CREBBP: variants seen among roughly 807,000 people sequenced by gnomAD.
CREBBP encodes the protein CREB binding lysine acetyltransferase.
A neutral mutation model predicts 265.0 loss-of-function variants in CREBBP; 19 were observed. The observed-to-expected ratio is 0.07, with a 90% confidence interval of 0.05 to 0.11. The LOEUF is 0.11. CREBBP is among the 10% of genes least tolerant of loss of function. The pLI is 1.00. For missense variants in CREBBP, 2,525 were observed against 3,219.0 expected (o/e 0.78, Z 5.22); for synonymous variants, 1,457 against 1,223.7 (o/e 1.19, Z -3.98).
At chr16:3,746,021 TC>T (rs1456472346) in intron 21 of CREBBP, among the ~76,000 whole-genome samples, 1 of 152,172 alleles carries the variant, frequency 6.6e-6, no homozygotes, top group African/African-American at 2.4e-5. Flanking sequence ...CCACCAGGGC[TC>T]CGTCACCTCC....
chr16:3,772,617 T>C (rs532542157), intron 13 of CREBBP, among the ~76,000 whole-genome samples: 2 of 152,282 alleles, frequency 1.3e-5, no homozygotes, highest in East Asian at 3.9e-4. Context: ...CAAGATTGAA[T>C]GGCCTGCAAA....
chr16:3,758,936 G>C lies in CREBBP; in HGVS notation c.3287C>G (p.Pro1096Arg). 1 of 1,613,084 alleles carries C rather than the reference G, an allele frequency of 6.2e-7. No homozygotes were observed. The highest frequency in any genetic ancestry group is 8.5e-7 in the Non-Finnish European group (1 of 1,179,994). Reference protein sequence around the residue: ...KPEELRQALMPTLEALYRQDP... With the variant: ...KPEELRQALMRTLEALYRQDP... ...CTGTCGATACAGTGCTTCTAGGGTT[G>C]GCATGAGGGCCTGGCGTAACTCCTC... Residue 1096 changes from proline (P) to arginine (R), a missense_variant, in exon 17 of 31, where the codon CCA (proline) becomes CGA (arginine). By Grantham distance (103) the Pro-to-Arg change is moderately radical. Around this residue, in one of 19 missense-constraint regions of CREBBP, gnomAD observed 12 missense variants for 24.9 expected, o/e 0.48. Coordinates refer to ENST00000262367, the MANE Select transcript of CREBBP (RefSeq NM_004380.3).
At chr16:3,856,322 TTAAA>T (rs991443209) in intron 1 of CREBBP, among the ~76,000 whole-genome samples, 2 of 152,122 alleles carry the variant, frequency 1.3e-5, no homozygotes, top group Admixed American at 6.5e-5. Context: ...AATGAATTAA[TTAAA>T]TAATTATTTT....
intron 1 of CREBBP, among the ~76,000 whole-genome samples, chr16:3,878,843 T>A (rs1240470895): frequency 6.6e-6 from 1 of 152,216 alleles, no homozygotes; most frequent in East Asian, 1.9e-4. Context: ...CTAGTTCATG[T>A]TACCATGAAC....
chr16:3,754,469 T>A (rs1433497370), intron 19 of CREBBP, among the ~76,000 whole-genome samples: 2 of 152,244 alleles, frequency 1.3e-5, no homozygotes, highest in Non-Finnish European at 2.9e-5. Context: ...AGGAAGCAGC[T>A]TGATGAATAT....
chr16:3,757,035 C>T (rs905968613), intron 19 of CREBBP, among the ~76,000 whole-genome samples: 1 of 151,560 alleles, frequency 6.6e-6, no homozygotes, highest in African/African-American at 2.4e-5. Context: ...CACTTTTTCT[C>T]TTTTTTTTTC....
chr16:3,790,886 C>T (rs1212975922), intron 5 of CREBBP, among the ~76,000 whole-genome samples: 1 of 152,182 alleles, frequency 6.6e-6, no homozygotes, highest in Non-Finnish European at 1.5e-5. Flanking sequence ...CTCTTAGGAA[C>T]AAAGCACTTT....
intron 2 of CREBBP, among the ~76,000 whole-genome samples, chr16:3,829,467 T>C (rs1030171136): frequency 1.3e-5 from 2 of 152,188 alleles, no homozygotes; most frequent in African/African-American, 2.4e-5. Context: ...TGTAACTAAG[T>C]GTGCAGGACT....
intron 2 of CREBBP, among the ~76,000 whole-genome samples, chr16:3,838,737 T>C (rs57017056): frequency 6.6e-6 from 1 of 152,182 alleles, no homozygotes; most frequent in Non-Finnish European, 1.5e-5. Flanking sequence ...AAAGTTGATA[T>C]AGGATTTTGA....
intron 3 of CREBBP, among the ~76,000 whole-genome samples, chr16:3,795,860 G>A (rs922737783): frequency 2.0e-5 from 3 of 152,140 alleles, no homozygotes; most frequent in Non-Finnish European, 4.4e-5. Flanking sequence ...AAATGGAAAG[G>A]AAAGGATATC....
chr16:3,775,454 A>G (rs976299084), intron 11 of CREBBP, among the ~76,000 whole-genome samples: 1 of 152,224 alleles, frequency 6.6e-6, no homozygotes, highest in Non-Finnish European at 1.5e-5. Flanking sequence ...TCTTAGGACC[A>G]ACACTAGAAT....
At chr16:3,855,468 T>C (rs1471961326) in intron 1 of CREBBP, among the ~76,000 whole-genome samples, 2 of 152,224 alleles carry the variant, frequency 1.3e-5, no homozygotes, top group African/African-American at 2.4e-5. Context: ...TTTCGCCACG[T>C]TGGCCAGGCT....
At chr16:3,842,548 T>A (rs62039108) in intron 2 of CREBBP, among the ~76,000 whole-genome samples, 2,114 of 152,342 alleles carry the variant, frequency 0.014, 19 homozygotes, top group Middle Eastern at 0.031. Context: ...ACTCTTATCA[T>A]GCCTTCTATC....
At chr16:3,769,593 C>T (rs2052948932) in intron 14 of CREBBP, among the ~76,000 whole-genome samples, 1 of 152,194 alleles carries the variant, frequency 6.6e-6, no homozygotes, top group Non-Finnish European at 1.5e-5. Context: ...CAGAGCTTTT[C>T]AAACTTTGAC....
chr16:3,829,666 A>C (rs1445584036), intron 2 of CREBBP, among the ~76,000 whole-genome samples: 1 of 152,256 alleles, frequency 6.6e-6, no homozygotes, highest in African/African-American at 2.4e-5. Context: ...CTTTGAGAGA[A>C]TCAAACTGAT....
intron 13 of CREBBP, 123 bp downstream of exon 13, chr16:3,773,628 C>T: frequency 2.9e-6 from 3 of 1,039,978 alleles, no homozygotes; most frequent in Non-Finnish European, 4.2e-6. Context: ...GAAGCTGATA[C>T]AAAGACATGA....
rs2141233404 is a variant in CREBBP, at chr16:3,778,076, G to A, written c.2048C>T (p.Pro683Leu). ...LHKQGILGNQ[P>L]ALPAPGAQPP... ...CTGAGCCCCCGGGGCTGGTAAGGCT[G>A]GCTGGTTCCCCAAGATGCCTTGTTT... Residue 683 changes from proline to leucine, a missense_variant, in exon 10 of 31, where the codon CCA becomes CTA. Coordinates refer to ENST00000262367, the MANE Select transcript of CREBBP (RefSeq NM_004380.3). 1.2e-6 allele frequency: 2 copies of A among 1,614,238 alleles called. No homozygotes were observed. The highest frequency in any genetic ancestry group is 1.3e-5 in the African/African-American group (1 of 75,066).
At chr16:3,814,172 T>TGC (rs985698453) in intron 2 of CREBBP, among the ~76,000 whole-genome samples, 7 of 148,568 alleles carry the variant, frequency 4.7e-5, no homozygotes, top group Non-Finnish European at 1.0e-4. Context: ...TTAGTGTGTG[T>TGC]GTGTGTGTGT....
intron 27 of CREBBP, 39 bp downstream of exon 27, chr16:3,736,611 T>G (rs971376784): frequency 3.7e-6 from 6 of 1,614,092 alleles, no homozygotes; most frequent in Admixed American, 3.3e-5. Context: ...CTCCCCTCAG[T>G]TGTGACAAAA....
Sources: allele counts gnomAD v4.1 joint callset (sites outside exome capture counted in the v4.1 genomes callset), GRCh38; gene constraint gnomAD v4.1.1; regional missense constraint gnomAD v4.1.1; transcripts MANE v1.5; gene names NCBI Gene and HGNC (gene_info 2026-07-23, HGNC 2026-07-21).